NDUFAF6: variants seen among roughly 807,000 people sequenced by gnomAD.
NDUFAF6 encodes the protein NADH dehydrogenase (ubiquinone) complex I, assembly factor 6.
A neutral mutation model predicts 40.8 loss-of-function variants in NDUFAF6; 45 were observed. The observed-to-expected ratio is 1.10, with a 90% CI of 0.87 to 1.42. The LOEUF is 1.42. Among genes scored for constraint, NDUFAF6 ranks in the 40% most tolerant of loss-of-function variants. NDUFAF6 has a pLI of 0.00. For synonymous variants in NDUFAF6, 185 were observed against 155.9 expected (o/e 1.19, Z -1.39); for missense variants, 435 against 418.5 (o/e 1.04, Z -0.34).
chr8:94,966,812 G>A (rs186801114), intron 1 of NDUFAF6, among the ~76,000 whole-genome samples: 2 of 152,234 alleles, frequency 1.3e-5, no homozygotes, highest in South Asian at 2.1e-4. Context: ...CCTATTTCAG[G>A]CAGCGGGAAA....
chr8:94,930,282 GTAAA>G, intron 1 of NDUFAF6: 2 of 658,236 alleles, frequency 3.0e-6, no homozygotes, highest in Non-Finnish European at 4.9e-6. Context: ...TACAAAAAAA[GTAAA>G]TGTTAAAGGC....
At chr8:94,947,722 A>T (rs1822145994) in intron 2 of NDUFAF6, among the ~76,000 whole-genome samples, 1 of 152,234 alleles carries the variant, frequency 6.6e-6, no homozygotes, top group African/African-American at 2.4e-5. Flanking sequence ...GACAAGAGTA[A>T]GTGGTAATTC....
In NDUFAF6 at chr8:95,075,000, C is replaced by T. The variant is rs182656206; in HGVS notation, c.*512-633C>T. On this transcript the variant is annotated intron_variant and NMD_transcript_variant, in intron 9 of 9. Transcript: ENST00000520757. ...ACCCCACCCCTCAAATAGAGTCTAA[C>T]GTGAAAAACATTATTTCTCAATTGG... 7.9e-5 allele frequency among the ~76,000 whole-genome samples: 12 copies of T among 152,140 alleles called. 1 individual carries two copies. In the South Asian group the frequency reaches 1.0e-3, roughly 13 times the overall value.
At chr8:94,930,864 GACAA>G in intron 1 of NDUFAF6, 1 of 1,049,928 alleles carries the variant, frequency 9.5e-7, no homozygotes, top group Non-Finnish European at 1.3e-6. Flanking sequence ...ATGGCTGACA[GACAA>G]GTTTATTATT....
intron 1 of NDUFAF6, among the ~76,000 whole-genome samples, chr8:94,909,604 G>A (rs950629577): frequency 1.3e-5 from 2 of 151,642 alleles, no homozygotes; most frequent in African/African-American, 4.8e-5. Flanking sequence ...CCAGCCTGGC[G>A]ACAGAGTGAG....
chr8:95,087,540 A>G (rs968602523), intron 2 of NDUFAF6: 1 of 152,044 alleles, frequency 6.6e-6, no homozygotes, highest in Non-Finnish European at 1.5e-5. Flanking sequence ...CATGCCTTTC[A>G]TTTAAACTTC....
intron 3 of NDUFAF6, among the ~76,000 whole-genome samples, chr8:95,036,805 A>G (rs572076223): frequency 6.6e-6 from 1 of 152,318 alleles, no homozygotes; most frequent in Admixed American, 6.5e-5. Context: ...GGATTGCTAA[A>G]TTGTCCGATT....
chr8:95,032,995 C>T (rs1419679085), intron 2 of NDUFAF6, among the ~76,000 whole-genome samples: 1 of 152,042 alleles, frequency 6.6e-6, no homozygotes, highest in Non-Finnish European at 1.5e-5. Flanking sequence ...ACAGTTTAGC[C>T]ATAAATAGTT....
At chr8:95,069,827 AATAT>A (rs1176642776) in intron 9 of NDUFAF6, among the ~76,000 whole-genome samples, 1 of 145,738 alleles carries the variant, frequency 6.9e-6, no homozygotes. Flanking sequence ...ATATATATAT[AATAT>A]ATATGTATAA....
chr8:94,949,136 C>CT (rs1491345492), intron 2 of NDUFAF6: 2 of 51,358 alleles, frequency 3.9e-5, no homozygotes, highest in African/African-American at 6.0e-5. Context: ...CGCCCGCCCG[C>CT]CCCCCCCCGG....
intron 2 of NDUFAF6, among the ~76,000 whole-genome samples, chr8:95,005,633 T>C (rs1300361751): frequency 6.7e-6 from 1 of 150,364 alleles, no homozygotes; most frequent in Non-Finnish European, 1.5e-5. Flanking sequence ...ATTGTGCCTT[T>C]GTTTTAAGCA....
intron 3 of NDUFAF6, among the ~76,000 whole-genome samples, chr8:95,039,739 T>C (rs1203862366): frequency 6.6e-6 from 1 of 152,020 alleles, no homozygotes; most frequent in Non-Finnish European, 1.5e-5. Context: ...TCCTCCTGCG[T>C]CAGCCTTCTG....
downstream of NDUFAF6, chr8:95,078,662 A>AAAAAAAAATATATATATATAT (rs545018367): frequency 1.7e-5 from 2 of 121,042 alleles, no homozygotes; most frequent in African/African-American, 6.5e-5. Context: ...AAAAAAAAAA[A>AAAAAAAAATATATATATATAT]ATATATATAT....
intron 1 of NDUFAF6, among the ~76,000 whole-genome samples, chr8:94,960,417 G>A (rs972897623): frequency 3.2e-5 from 4 of 125,702 alleles, no homozygotes; most frequent in African/African-American, 8.3e-5. Flanking sequence ...CTGGTGCCTC[G>A]TTAGCAGCTG....
intron 1 of NDUFAF6, among the ~76,000 whole-genome samples, chr8:94,979,514 T>C (rs1223058235): frequency 6.6e-6 from 1 of 152,210 alleles, no homozygotes; most frequent in East Asian, 1.9e-4. Context: ...TGGGGTCTTA[T>C]GAAGGAGATT....
intron 2 of NDUFAF6, among the ~76,000 whole-genome samples, chr8:94,989,869 G>C (rs1407773710): frequency 6.6e-6 from 1 of 152,088 alleles, no homozygotes; most frequent in Non-Finnish European, 1.5e-5. Context: ...TGGGACTACA[G>C]GTGCGCACCA....
At chr8:95,118,372 CGTT>C (rs1162235703), downstream of NDUFAF6, among the ~76,000 whole-genome samples, 2 of 152,152 alleles carry the variant, frequency 1.3e-5, no homozygotes, top group Non-Finnish European at 2.9e-5. Context: ...AGACTCCTAA[CGTT>C]GGTGCAATGA....
intron 2 of NDUFAF6, among the ~76,000 whole-genome samples, chr8:95,014,812 G>A (rs567225810): frequency 6.6e-6 from 1 of 152,286 alleles, no homozygotes; most frequent in African/African-American, 2.4e-5. Context: ...TTTCAGCTCT[G>A]CTTTTTCTCT....
downstream of NDUFAF6, among the ~76,000 whole-genome samples, chr8:95,105,066 C>CAGAGAGAGAG (rs55705930): frequency 1.4e-5 from 1 of 72,884 alleles, no homozygotes; most frequent in Non-Finnish European, 3.0e-5. Flanking sequence ...CACACACACA[C>CAGAGAGAGAG]AGAGAGAGAG....
Sources: allele counts gnomAD v4.1 joint callset (sites outside exome capture counted in the v4.1 genomes callset), GRCh38; gene constraint gnomAD v4.1.1; transcripts MANE v1.5; gene names NCBI Gene and HGNC (gene_info 2026-07-23, HGNC 2026-07-21).